The following RTN1 variants were observed in gnomAD, a reference collection of about 807,000 sequenced individuals.
RTN1 encodes the protein reticulon 1.
RTN1 carries 25 observed loss-of-function variants against 65.5 expected under a neutral mutation model. That is an observed-to-expected ratio of 0.38 (90% CI 0.28 to 0.53). The LOEUF is 0.53. Among genes scored for constraint, RTN1 ranks in the 20% least tolerant of loss-of-function variants. RTN1 has a pLI of 0.79. For missense variants in RTN1, 983 were observed against 1,025.4 expected (o/e 0.96, Z 0.57); for synonymous variants, 471 against 447.6 (o/e 1.05, Z -0.66).
At chr14:59,640,875 T>C (rs1222941083) in intron 3 of RTN1, among the ~76,000 whole-genome samples, 1 of 152,220 alleles carries the variant, frequency 6.6e-6, no homozygotes, top group Non-Finnish European at 1.5e-5. Flanking sequence ...ATTTTGTTTC[T>C]TTGTTTTTAT....
intron 1 of RTN1, among the ~76,000 whole-genome samples, chr14:59,826,101 C>A (rs1329068319): frequency 6.6e-6 from 1 of 151,854 alleles, no homozygotes; most frequent in African/African-American, 2.4e-5. Flanking sequence ...AGAAAAGCAC[C>A]AACAAGAAAA....
Position 59,727,536 on chromosome 14 carries a change from C to T in RTN1, c.1148G>A (p.Arg383Lys). The change falls in exon 3 of 9, where the codon AGG (arginine) becomes AAG (lysine). Residue 383 changes from arginine to lysine, a missense_variant. Arg to Lys is a conservative substitution (Grantham distance 26). This residue lies in a region of RTN1 where 818 missense variants were observed against 801.8 expected (regional missense o/e 1.02). Transcript: ENST00000267484. The surrounding 1 kb of genome is among the most constrained non-coding windows in gnomAD (Gnocchi z 4.2). ...TCCGGACCTGGCCTTGACCTCGGGC[C>T]TGTCGGCCAGCTGGCCCACCGGCCG... The part of the protein sequence containing the change: ...NPRPVGQLAD[R>K]PEVKARSGPP... The T allele has an allele frequency of 6.2e-7, 1 of 1,609,442 alleles. No individual in the cohort carries two copies. Among genetic ancestry groups the T allele is most frequent in the Non-Finnish European group, 8.5e-7 (1 of 1,178,548 alleles).
intron 1 of RTN1, among the ~76,000 whole-genome samples, chr14:59,751,191 C>CTTTTTTTTTTTT (rs34021179): frequency 2.2e-5 from 2 of 90,794 alleles, no homozygotes; most frequent in East Asian, 3.5e-4. Flanking sequence ...CTCATTATAC[C>CTTTTTTTTTTTT]TTTTTTTTTT....
intron 1 of RTN1, among the ~76,000 whole-genome samples, chr14:59,783,890 C>G (rs1040657116): frequency 6.8e-6 from 1 of 147,692 alleles, no homozygotes; most frequent in Non-Finnish European, 1.5e-5. Flanking sequence ...ATTTTATAAC[C>G]TTATAATTTT....
chr14:59,788,061 T>C (rs1296376862), intron 1 of RTN1, among the ~76,000 whole-genome samples: 2 of 152,232 alleles, frequency 1.3e-5, no homozygotes, highest in Non-Finnish European at 2.9e-5. Context: ...TGTCTCATTC[T>C]CTGTAATGAT....
intron 1 of RTN1, among the ~76,000 whole-genome samples, chr14:59,858,298 C>T (rs1332997889): frequency 6.6e-6 from 1 of 152,126 alleles, no homozygotes; most frequent in Non-Finnish European, 1.5e-5. Context: ...GTGGTCACTC[C>T]ATGTGATGTT....
chr14:59,749,024 G>A (rs1402880342), intron 1 of RTN1, among the ~76,000 whole-genome samples: 1 of 149,552 alleles, frequency 6.7e-6, no homozygotes, highest in Non-Finnish European at 1.5e-5. Flanking sequence ...CCTGACCTCA[G>A]GTGATCCTCC....
chr14:59,710,374 G>A (rs779184043), intron 3 of RTN1, among the ~76,000 whole-genome samples: 8 of 152,170 alleles, frequency 5.3e-5, no homozygotes, highest in Non-Finnish European at 1.0e-4. Flanking sequence ...AAAAAATAGA[G>A]GAGAGGAGTC....
chr14:59,784,429 G>A (rs894401139), intron 1 of RTN1, among the ~76,000 whole-genome samples: 9 of 145,702 alleles, frequency 6.2e-5, no homozygotes, highest in African/African-American at 1.0e-4. Flanking sequence ...CAACAAGAGC[G>A]AAACTCCGTC....
chr14:59,864,609 A>G (rs1398126455), intron 1 of RTN1, among the ~76,000 whole-genome samples: 1 of 152,106 alleles, frequency 6.6e-6, no homozygotes, highest in African/African-American at 2.4e-5. Flanking sequence ...TCTGTACTAT[A>G]ATCCTCAGTG....
chr14:59,679,293 G>C (rs1225116770), intron 3 of RTN1, among the ~76,000 whole-genome samples: 2 of 152,140 alleles, frequency 1.3e-5, no homozygotes, highest in African/African-American at 4.8e-5. Context: ...GCTAAATTGA[G>C]TTATCTATTA....
chr14:59,673,377 G>A (rs1435372721), intron 3 of RTN1, among the ~76,000 whole-genome samples: 1 of 152,206 alleles, frequency 6.6e-6, no homozygotes, highest in Non-Finnish European at 1.5e-5. Flanking sequence ...AAATGCGGGT[G>A]TGTTACAGCT....
At chr14:59,799,749 A>C (rs1355145753) in intron 1 of RTN1, among the ~76,000 whole-genome samples, 2 of 152,184 alleles carry the variant, frequency 1.3e-5, no homozygotes, top group Admixed American at 6.5e-5. Context: ...CAAACAAAAA[A>C]TACTGCCCAC....
rs1887094488 is a variant in RTN1 at position 59,829,761 on chromosome 14, C to T, written c.241+40629G>A. Among the ~76,000 whole-genome samples, 1 of 152,190 alleles carries T rather than the reference C, an allele frequency of 6.6e-6. No individual in the cohort carries two copies. Among genetic ancestry groups the T allele is most frequent in the African/African-American group, 2.4e-5 (1 of 41,426 alleles). Reference sequence around the variant, plus strand: ...GGAAGGAAATGTGGTGAAGCACATACTCACTCTTAAAACTTTTACCCTGAA... The same window carrying T: ...GGAAGGAAATGTGGTGAAGCACATATTCACTCTTAAAACTTTTACCCTGAA... On this transcript the variant is annotated intron_variant, in intron 1 of 8. Coordinates refer to ENST00000267484, the MANE Select transcript of RTN1 (RefSeq NM_021136.3). This position sits in a 1 kb window ranked among gnomAD's most constrained non-coding sequence, Gnocchi z 4.3.
chr14:59,831,869 G>A (rs1013190108), intron 1 of RTN1, among the ~76,000 whole-genome samples: 4 of 151,786 alleles, frequency 2.6e-5, no homozygotes, highest in Admixed American at 1.3e-4. Flanking sequence ...CACAGAAGAC[G>A]ACCCTCCTAG....
intron 3 of RTN1, among the ~76,000 whole-genome samples, chr14:59,723,599 G>C (rs1383917358): frequency 6.6e-6 from 1 of 152,094 alleles, no homozygotes; most frequent in Non-Finnish European, 1.5e-5. Flanking sequence ...CTGGGCAACA[G>C]AGCGAGACTC....
At chr14:59,678,049 A>G (rs191578322) in intron 3 of RTN1, among the ~76,000 whole-genome samples, 1 of 152,326 alleles carries the variant, frequency 6.6e-6, no homozygotes, top group Non-Finnish European at 1.5e-5. Flanking sequence ...AGCTATTTAC[A>G]ACAATGACTA....
intron 3 of RTN1, among the ~76,000 whole-genome samples, chr14:59,631,473 T>C (rs182535843): frequency 6.6e-6 from 1 of 151,962 alleles, no homozygotes; most frequent in East Asian, 1.9e-4. Context: ...GCAATGGAGG[T>C]GGGTGGTGTG....
At chr14:59,750,398 T>C (rs1338446361) in intron 1 of RTN1, among the ~76,000 whole-genome samples, 1 of 51,812 alleles carries the variant, frequency 1.9e-5, no homozygotes, top group Non-Finnish European at 3.3e-5. Context: ...ATATCTATAA[T>C]ATATATATTA....
Sources: gnomAD v4.1 joint callset for allele counts (sites outside exome capture counted in the v4.1 genomes callset) on GRCh38, gnomAD v4.1.1 for gene constraint, gnomAD v4.1.1 regional missense constraint, Gnocchi (gnomAD v3.1) non-coding constraint, MANE v1.5 for transcripts, NCBI Gene and HGNC (gene_info 2026-07-23, HGNC 2026-07-21) for gene names.